Variants in LHX9 observed in about 807,000 individuals in gnomAD.
LHX9 encodes LIM/homeobox protein Lhx9.
LHX9 carries 9 observed loss-of-function variants against 36.5 expected under a neutral mutation model. The observed-to-expected ratio is 0.25, with a 90% CI of 0.15 to 0.43. LHX9 has a LOEUF of 0.43. LHX9 is among the 20% of genes least tolerant of loss of function. LHX9 has a pLI of 1.00. For synonymous variants in LHX9, 211 were observed against 212.1 expected (o/e 0.99, Z 0.04); for missense variants, 464 against 526.4 (o/e 0.88, Z 1.16).
chr1:197,926,471 C>G (rs1660143701), intron 3 of LHX9, among the ~76,000 whole-genome samples: 1 of 152,198 alleles, frequency 6.6e-6, no homozygotes, highest in Admixed American at 6.5e-5. Context: ...AAATATTTCA[C>G]AAAATGTTTT....
Position 197,929,862 on chromosome 1 carries a change from T to C in LHX9, c.*603T>C, listed in dbSNP as rs1236247728. 3 of 957,392 alleles carry C rather than the reference T, an allele frequency of 3.1e-6. No homozygotes were observed. Among genetic ancestry groups the C allele is most frequent in the Non-Finnish European group, 3.7e-6 (3 of 804,362 alleles). The allele number at this position is 957,392 out of a possible 1,614,324, so 59.3% of individuals were successfully genotyped here. ...AGACATTTTAAATAGTAATGATTAA[T>C]TAGGTGAGAAATCTATTACAGGAAT... On this transcript the variant is annotated 3_prime_UTR_variant, in exon 5 of 5. Coordinates refer to ENST00000367387, the MANE Select transcript of LHX9 (RefSeq NM_020204.3).
chr1:197,913,340 G>T (rs1659669365), upstream of LHX9, among the ~76,000 whole-genome samples: 1 of 152,312 alleles, frequency 6.6e-6, no homozygotes, highest in Non-Finnish European at 1.5e-5. Flanking sequence ...GCAAGGGTGC[G>T]CAGCTGGAGC....
chr1:197,922,664 C>A (rs1292530189), intron 3 of LHX9, among the ~76,000 whole-genome samples: 2 of 152,152 alleles, frequency 1.3e-5, no homozygotes, highest in African/African-American at 4.8e-5. Flanking sequence ...AGCCTAAGGA[C>A]CTTAACTGCT....
intron 1 of LHX9, among the ~76,000 whole-genome samples, chr1:197,919,529 C>T (rs139986525): frequency 8.8e-4 from 134 of 152,302 alleles, no homozygotes; most frequent in African/African-American, 3.1e-3. Context: ...TTAGAGAAAT[C>T]GAACTGTAAT....
rs1161713766 is a variant in LHX9, at chr1:197,917,495, TC to T, written c.-323del. Reference sequence around the variant, plus strand: ...CTTTCTTCACCAGATTTTGTTTTCCTCCCCCCGCTGCAGTTGTTTCCCATTA... The same window carrying T: ...CTTTCTTCACCAGATTTTGTTTTCCTCCCCCGCTGCAGTTGTTTCCCATTA... On this transcript the variant is annotated 5_prime_UTR_variant, in exon 1 of 5. Coordinates refer to ENST00000367387, the MANE Select transcript of LHX9 (RefSeq NM_020204.3). 9.4e-6 allele frequency: 13 copies of T among 1,384,174 alleles called. No individual in the cohort carries two copies. The highest frequency in any genetic ancestry group is 4.0e-5 in the East Asian group (1 of 24,934). 85.7% of individuals were successfully genotyped at this position (1,384,174 alleles called of 1,614,324 possible). A position where few individuals can be genotyped will look rare whatever the true frequency, so the allele number is the denominator to read the frequency against.
Position 197,917,776 on chromosome 1 carries a change from C to T in LHX9, c.-48C>T, listed in dbSNP as rs202051786. 3 of 1,613,908 alleles carry T rather than the reference C, an allele frequency of 1.9e-6. No homozygotes were observed. Among genetic ancestry groups the T allele is most frequent in the African/African-American group, 2.7e-5 (2 of 75,054 alleles). Reference sequence around the variant, plus strand: ...CTCCTACAGGGCAGCCCTCTCTGGTCCCTTGCCTCCTTCACTCGGATGAGC... The same window carrying T: ...CTCCTACAGGGCAGCCCTCTCTGGTTCCTTGCCTCCTTCACTCGGATGAGC... On this transcript the variant is annotated 5_prime_UTR_variant, in exon 1 of 5. Transcript: ENST00000367387.
chr1:197,926,976 T>C lies in LHX9; in HGVS notation c.734-615T>C, dbSNP rs561365165. Among the ~76,000 whole-genome samples, 3 of 152,322 alleles carry C rather than the reference T, an allele frequency of 2.0e-5. No homozygotes were observed. In the South Asian group the frequency reaches 6.2e-4, roughly 32 times the overall value. On this transcript the variant is annotated intron_variant, in intron 3 of 4. Transcript: ENST00000367387. ...TTTTGAATTTCTAACTTCTCCTCCTTTTTCAGCCTTTTCTAACTTTTTCCT... is the reference window on the plus strand; with the variant it reads ...TTTTGAATTTCTAACTTCTCCTCCTCTTTCAGCCTTTTCTAACTTTTTCCT...
chr1:197,927,665 A>C lies in LHX9; in HGVS notation c.808A>C (p.Met270Leu). Residue 270 changes from methionine (M) to leucine (L), a missense_variant, in exon 4 of 5, where the codon ATG (methionine) becomes CTG (leucine). Around this residue, in one of 5 missense-constraint regions of LHX9, gnomAD observed 130 missense variants for 109.6 expected, o/e 1.19. Coordinates refer to ENST00000367387, the MANE Select transcript of LHX9 (RefSeq NM_020204.3). ...PYPPSQKTKR[M>L]RTSFKHHQLR... Reference sequence around the variant, plus strand: ...TCCACCCTCGCAGAAGACCAAGCGCATGCGAACCTCTTTCAAGCATCACCA... The same window carrying C: ...TCCACCCTCGCAGAAGACCAAGCGCCTGCGAACCTCTTTCAAGCATCACCA... 5.6e-6 allele frequency: 9 copies of C among 1,614,192 alleles called. No individual in the cohort carries two copies. Among genetic ancestry groups the C allele is most frequent in the Non-Finnish European group, 7.6e-6 (9 of 1,180,024 alleles).
chr1:197,923,270 C>A (rs188035653), intron 3 of LHX9, among the ~76,000 whole-genome samples: 1 of 152,224 alleles, frequency 6.6e-6, no homozygotes, highest in East Asian at 1.9e-4. Context: ...GTGAGGGCAG[C>A]GGGCGAAGCC....
rs754112930 is a variant in LHX9 at position 197,932,530 on chromosome 1, T to C, written c.*3271T>C. On this transcript the variant is annotated 3_prime_UTR_variant, in exon 5 of 5. Coordinates refer to ENST00000367387, the MANE Select transcript of LHX9 (RefSeq NM_020204.3). ...GTGTACACCTCTGTATGATGACTTATCTTTGCTGTTTCTTGTATGATAAAT... is the reference window on the plus strand; with the variant it reads ...GTGTACACCTCTGTATGATGACTTACCTTTGCTGTTTCTTGTATGATAAAT... The C allele has an allele frequency of 6.6e-6, 1 of 152,136 alleles. No individual in the cohort carries two copies. The allele number at this position is 152,136 out of a possible 1,614,324, so 9.4% of individuals were successfully genotyped here. A position where few individuals can be genotyped will look rare whatever the true frequency, so the allele number is the denominator to read the frequency against.
chr1:197,927,515 T>C, intron 3 of LHX9, 76 bp from the exon 4 acceptor site: 3 of 1,214,816 alleles, frequency 2.5e-6, no homozygotes, highest in Non-Finnish European at 3.7e-6. Context: ...CATAGCAGTG[T>C]CATACAGCCT....
rs565254795 is a variant in LHX9, at chr1:197,921,143, A to G, written c.378-161A>G. ...AGATCCTTTGTCTTGGTTTATCAGA[A>G]AAGGTCGATGAGCAAATAAAATTAA... On this transcript the variant is annotated intron_variant, in intron 2 of 4. Coordinates refer to ENST00000367387, the MANE Select transcript of LHX9 (RefSeq NM_020204.3). The surrounding 1 kb of genome is among the most constrained non-coding windows in gnomAD (Gnocchi z 4.6). Among the ~76,000 whole-genome samples, 11 of 152,232 alleles carry G rather than the reference A, an allele frequency of 7.2e-5. No homozygotes were observed. Among genetic ancestry groups the G allele is most frequent in the African/African-American group, 2.6e-4 (11 of 41,516 alleles).
At position 197,929,371 on chromosome 1, in the gene LHX9, A is replaced by G; in HGVS notation, c.*112A>G. The G allele has an allele frequency of 8.4e-7, 1 of 1,191,964 alleles. No homozygotes were observed. The highest frequency in any genetic ancestry group is 1.0e-6 in the Non-Finnish European group (1 of 966,650). The allele number at this position is 1,191,964 out of a possible 1,614,324, so 73.8% of individuals were successfully genotyped here. A position where few individuals can be genotyped will look rare whatever the true frequency, so the allele number is the denominator to read the frequency against. ...TTTTTTTTCTTCTAACCCACAAGAT[A>G]TTTGGGGAATAAAAATAACAGCTTG... On this transcript the variant is annotated 3_prime_UTR_variant, in exon 5 of 5. Coordinates refer to ENST00000367387, the MANE Select transcript of LHX9 (RefSeq NM_020204.3).
At chr1:197,925,921 T>C (rs1660129202) in intron 3 of LHX9, among the ~76,000 whole-genome samples, 1 of 152,228 alleles carries the variant, frequency 6.6e-6, no homozygotes. Flanking sequence ...TGTGTTTGAC[T>C]CAGGGAATCA....
rs761215211 is a variant in LHX9, at chr1:197,934,098, A to G, written c.*4839A>G. 4 of 152,168 alleles carry G rather than the reference A, an allele frequency of 2.6e-5. No individual in the cohort carries two copies. Among genetic ancestry groups the G allele is most frequent in the Non-Finnish European group, 5.9e-5 (4 of 68,022 alleles). The allele number at this position is 152,168 out of a possible 1,614,324, so 9.4% of individuals were successfully genotyped here. On this transcript the variant is annotated 3_prime_UTR_variant, in exon 5 of 5. Coordinates refer to ENST00000367387, the MANE Select transcript of LHX9 (RefSeq NM_020204.3). ...ATAGTGGGTAGGTTTTTGATACCTC[A>G]AATAAGGATAAAACTCCATAATAAA...
chr1:197,917,333 T>C (rs1197258501), upstream of LHX9: 1 of 1,268,618 alleles, frequency 7.9e-7, no homozygotes, highest in Admixed American at 3.1e-5. Context: ...TGGGCTGGCT[T>C]TAGTCTCTTA....
chr1:197,922,033 G>C (rs1660007431), intron 3 of LHX9, among the ~76,000 whole-genome samples: 2 of 149,006 alleles, frequency 1.3e-5, no homozygotes, highest in African/African-American at 4.9e-5. Flanking sequence ...GATCCTGTAG[G>C]AGGTTTCCTA....
chr1:197,929,632 T>G lies in LHX9; in HGVS notation c.*373T>G, dbSNP rs1660270039. 3.3e-6 allele frequency: 3 copies of G among 915,266 alleles called. No homozygotes were observed. Among genetic ancestry groups the G allele is most frequent in the Non-Finnish European group, 3.9e-6 (3 of 765,924 alleles). The allele number at this position is 915,266 out of a possible 1,614,324, so 56.7% of individuals were successfully genotyped here. ...GTATTATTATGGGCAAATAATCATA[T>G]TCCCACTTAAATGATTAGGTTAATA... On this transcript the variant is annotated 3_prime_UTR_variant, in exon 5 of 5. Transcript: ENST00000367387.
chr1:197,923,282 CG>C (rs1242226538), intron 3 of LHX9, among the ~76,000 whole-genome samples: 1 of 152,208 alleles, frequency 6.6e-6, no homozygotes, highest in Non-Finnish European at 1.5e-5. Flanking sequence ...GGCGAAGCCC[CG>C]GGTTTTGGCA....
Sources: gnomAD v4.1 joint callset for allele counts (sites outside exome capture counted in the v4.1 genomes callset) on GRCh38, gnomAD v4.1.1 for gene constraint, gnomAD v4.1.1 regional missense constraint, Gnocchi (gnomAD v3.1) non-coding constraint, MANE v1.5 for transcripts, NCBI Gene and HGNC (gene_info 2026-07-23, HGNC 2026-07-21) for gene names.